PRICKLE2: variants seen among roughly 807,000 people sequenced by gnomAD.
The protein encoded by PRICKLE2 is prickle-like protein 2.
A neutral mutation model predicts 81.4 loss-of-function variants in PRICKLE2; 21 were observed. The ratio of observed to expected loss-of-function variants is 0.26; its 90% confidence interval spans 0.18 to 0.37. PRICKLE2 has a LOEUF of 0.37. Ranked by LOEUF, PRICKLE2 falls within the 10% of genes least tolerant of loss-of-function variation. The pLI, the probability that PRICKLE2 is intolerant of heterozygous loss-of-function variation, is 1.00. For missense variants in PRICKLE2, 940 were observed against 1,109.0 expected (o/e 0.85, Z 2.16); for synonymous variants, 456 against 421.5 (o/e 1.08, Z -1.00).
Position 64,098,881 on chromosome 3 carries a change from T to A in PRICKLE2, c.*170A>T. ...AAATAATATTCAACATGCCAAGAAC[T>A]GTGACTACCTATTGAGTCAACCTGT... is the stretch of plus-strand genomic sequence containing the variant. On this transcript the variant is annotated 3_prime_UTR_variant, in exon 8 of 8. Coordinates refer to ENST00000638394, the MANE Select transcript of PRICKLE2 (RefSeq NM_198859.4). 1.4e-6 allele frequency: 1 copy of A among 702,558 alleles called. No homozygotes were observed. The highest frequency in any genetic ancestry group is 2.5e-6 in the Non-Finnish European group (1 of 401,744). The allele number at this position is 702,558 out of a possible 1,614,324, so 43.5% of individuals were successfully genotyped here.
intron 2 of PRICKLE2, among the ~76,000 whole-genome samples, chr3:64,196,230 G>A (rs2078451010): frequency 6.6e-6 from 1 of 152,148 alleles, no homozygotes; most frequent in Admixed American, 6.5e-5. Flanking sequence ...ACGTTTAATG[G>A]TCTTAGAGAA....
chr3:64,204,584 A>C (rs1301004128), intron 1 of PRICKLE2, among the ~76,000 whole-genome samples: 1 of 150,810 alleles, frequency 6.6e-6, no homozygotes, highest in Non-Finnish European at 1.5e-5. Flanking sequence ...CAACAACAAC[A>C]AAAAACCTCA....
chr3:64,135,248 T>C (rs1298365948), intron 7 of PRICKLE2, among the ~76,000 whole-genome samples: 2 of 152,188 alleles, frequency 1.3e-5, no homozygotes, highest in Admixed American at 6.5e-5. Flanking sequence ...AGGTACAGTC[T>C]CTACTCTGCT....
chr3:64,166,256 C>T (rs2077831098), intron 2 of PRICKLE2, among the ~76,000 whole-genome samples: 1 of 152,106 alleles, frequency 6.6e-6, no homozygotes, highest in Non-Finnish European at 1.5e-5. Flanking sequence ...GAGTGACTCG[C>T]TTTTCTCAAT....
chr3:64,119,276 T>A (rs2106964580), intron 7 of PRICKLE2, among the ~76,000 whole-genome samples: 1 of 152,180 alleles, frequency 6.6e-6, no homozygotes, highest in Admixed American at 6.5e-5. Context: ...GTACTAGGCT[T>A]AATAGCTGGG....
chr3:64,236,807 A>G (rs1200658770), intron 2 of PRICKLE2, among the ~76,000 whole-genome samples: 2 of 152,222 alleles, frequency 1.3e-5, no homozygotes, highest in East Asian at 3.9e-4. Context: ...AAAAACATGA[A>G]TGACGGTGAC....
chr3:64,161,453 G>A (rs2077732550), intron 3 of PRICKLE2, among the ~76,000 whole-genome samples: 1 of 152,166 alleles, frequency 6.6e-6, no homozygotes, highest in Admixed American at 6.5e-5. Context: ...CAGGACAGCT[G>A]TGGATATCAA....
intron 7 of PRICKLE2, among the ~76,000 whole-genome samples, chr3:64,138,543 C>A (rs1317855755): frequency 6.6e-6 from 1 of 152,188 alleles, no homozygotes; most frequent in Non-Finnish European, 1.5e-5. Flanking sequence ...AACTCAGAGA[C>A]AGAAAGAAAC....
chr3:64,266,854 T>C (rs1344756175), intron 2 of PRICKLE2, among the ~76,000 whole-genome samples: 1 of 151,968 alleles, frequency 6.6e-6, no homozygotes, highest in Non-Finnish European at 1.5e-5. Context: ...GCCAAAATAA[T>C]TTAATATGGG....
intron 5 of PRICKLE2, among the ~76,000 whole-genome samples, chr3:64,155,870 G>A (rs2077628159): frequency 6.6e-6 from 1 of 152,104 alleles, no homozygotes; most frequent in Admixed American, 6.5e-5. Context: ...CTAGGGAAAG[G>A]GGGAAATGAG....
At chr3:64,121,171 TC>T (rs1229705101) in intron 7 of PRICKLE2, among the ~76,000 whole-genome samples, 1 of 152,120 alleles carries the variant, frequency 6.6e-6, no homozygotes, top group Non-Finnish European at 1.5e-5. Flanking sequence ...ATCTCTTTCC[TC>T]CCACCTTGCA....
Position 64,099,751 on chromosome 3 carries a change from T to C in PRICKLE2, c.1835A>G (p.Gln612Arg). 1 of 1,614,176 alleles carries C rather than the reference T, an allele frequency of 6.2e-7. No individual in the cohort carries two copies. Among genetic ancestry groups the C allele is most frequent in the Non-Finnish European group, 8.5e-7 (1 of 1,180,022 alleles). ...AESVRSLLSA[Q>R]QYQEMEGNLH... ...GTTTCCCTCCATCTCCTGGTACTGC[T>C]GGGCAGAGAGCAGGCTGCGAACTGA... Residue 612 changes from glutamine (Q) to arginine (R), a missense_variant, in exon 8 of 8, where the codon CAG becomes CGG. By Grantham distance (43) the Gln-to-Arg change is conservative. Around this residue, in one of 2 missense-constraint regions of PRICKLE2, gnomAD observed 670 missense variants for 717.2 expected, o/e 0.93. Coordinates refer to ENST00000638394, the MANE Select transcript of PRICKLE2 (RefSeq NM_198859.4). The surrounding 1 kb of genome is among the most constrained non-coding windows in gnomAD (Gnocchi z 4.3).
intron 2 of PRICKLE2, among the ~76,000 whole-genome samples, chr3:64,230,822 G>A (rs1471633648): frequency 2.0e-5 from 3 of 152,186 alleles, no homozygotes; most frequent in African/African-American, 7.2e-5. Flanking sequence ...ATAAAGTACT[G>A]TGTAGAGTAC....
intron 2 of PRICKLE2, among the ~76,000 whole-genome samples, chr3:64,267,527 A>G (rs2079729509): frequency 1.3e-5 from 2 of 152,142 alleles, no homozygotes; most frequent in South Asian, 2.1e-4. Flanking sequence ...AACAGTAAAT[A>G]CCTTTTAAAT....
intron 7 of PRICKLE2, among the ~76,000 whole-genome samples, chr3:64,111,422 C>T (rs1415873338): frequency 2.0e-5 from 3 of 152,172 alleles, no homozygotes; most frequent in Non-Finnish European, 2.9e-5. Flanking sequence ...TCTTCTCCCA[C>T]CTCCTGCCTT....
At chr3:64,259,293 A>G (rs1300621274) in intron 2 of PRICKLE2, among the ~76,000 whole-genome samples, 3 of 152,196 alleles carry the variant, frequency 2.0e-5, no homozygotes, top group Non-Finnish European at 4.4e-5. Flanking sequence ...ACTTGTGCTA[A>G]GTGCACCACA....
chr3:64,116,229 T>C (rs1425154251), intron 7 of PRICKLE2, among the ~76,000 whole-genome samples: 1 of 152,074 alleles, frequency 6.6e-6, no homozygotes, highest in African/African-American at 2.4e-5. Context: ...CACTGAAATG[T>C]TCACATCAAA....
chr3:64,124,305 G>C (rs1417151066), intron 7 of PRICKLE2, among the ~76,000 whole-genome samples: 1 of 152,172 alleles, frequency 6.6e-6, no homozygotes, highest in Non-Finnish European at 1.5e-5. Flanking sequence ...TGAGGTTTAA[G>C]GAAAGAAGCC....
At chr3:64,188,103 G>T (rs780558903) in intron 2 of PRICKLE2, among the ~76,000 whole-genome samples, 1 of 152,208 alleles carries the variant, frequency 6.6e-6, no homozygotes, top group Non-Finnish European at 1.5e-5. Context: ...GTATCTGCAC[G>T]CAAATCTGCT....
Sources: allele counts gnomAD v4.1 joint callset (sites outside exome capture counted in the v4.1 genomes callset), GRCh38; gene constraint gnomAD v4.1.1; regional missense constraint gnomAD v4.1.1; non-coding constraint Gnocchi (gnomAD v3.1); transcripts MANE v1.5; gene names NCBI Gene and HGNC (gene_info 2026-07-23, HGNC 2026-07-21).